CWC27: variants seen among roughly 807,000 people sequenced by gnomAD.
The protein encoded by CWC27 is spliceosome-associated protein CWC27 homolog.
In CWC27, 47 loss-of-function variants were observed where a neutral mutation model predicts 63.6. The observed-to-expected ratio is 0.74, with a 90% CI of 0.58 to 0.94. The LOEUF is 0.94. CWC27 is among the 40% of genes least tolerant of loss of function. The probability of loss-of-function intolerance (pLI) is 0.00; values close to 1 mark genes in which losing one functional copy is unlikely to be tolerated. For synonymous variants in CWC27, 175 were observed against 179.8 expected (o/e 0.97, Z 0.22); for missense variants, 495 against 554.3 (o/e 0.89, Z 1.07).
chr5:64,961,559 T>C (rs1748912747), intron 11 of CWC27, among the ~76,000 whole-genome samples: 2 of 152,224 alleles, frequency 1.3e-5, no homozygotes, highest in African/African-American at 4.8e-5. Context: ...GTAAGTGATA[T>C]TTTTCATGTA....
chr5:64,890,167 A>T (rs75388734), intron 11 of CWC27, among the ~76,000 whole-genome samples: 2,546 of 152,278 alleles, frequency 0.017, 68 homozygotes, highest in African/African-American at 0.059. Context: ...TGGTGCCAGA[A>T]ATTAGAGGAG....
At chr5:64,976,998 T>G (rs1472751486) in intron 12 of CWC27, 137 bp from the exon 13 acceptor site, 1 of 476,454 alleles carries the variant, frequency 2.1e-6, no homozygotes, top group African/African-American at 2.0e-5. Flanking sequence ...TAAAGGTAGT[T>G]TTGTTCTTTT....
chr5:64,813,060 A>G (rs1744924458), intron 10 of CWC27, among the ~76,000 whole-genome samples: 2 of 152,180 alleles, frequency 1.3e-5, no homozygotes, highest in South Asian at 4.1e-4. Flanking sequence ...CTACTATTTA[A>G]AAGGAATAAC....
At chr5:64,773,967 G>A (rs893713772) in intron 1 of CWC27, 7 of 152,084 alleles carry the variant, frequency 4.6e-5, no homozygotes, top group Admixed American at 1.3e-4. Flanking sequence ...TTGTAAATTA[G>A]GAATAGCATG....
chr5:64,899,553 G>A (rs909846358), intron 11 of CWC27, among the ~76,000 whole-genome samples: 2 of 152,124 alleles, frequency 1.3e-5, no homozygotes, highest in Admixed American at 6.5e-5. Flanking sequence ...TAAATAATGG[G>A]CAAAGTTTCA....
intron 1 of CWC27, among the ~76,000 whole-genome samples, chr5:64,771,677 T>C (rs1254123219): frequency 1.0e-5 from 1 of 99,582 alleles, no homozygotes; most frequent in Non-Finnish European, 2.2e-5. Flanking sequence ...AATGGCTTTA[T>C]AAGTATATTT....
At chr5:65,010,209 A>G (rs555904575) in intron 13 of CWC27, among the ~76,000 whole-genome samples, 2 of 152,342 alleles carry the variant, frequency 1.3e-5, no homozygotes, top group African/African-American at 4.8e-5. Context: ...TTTGAAAAAA[A>G]CAGGGACATA....
intron 10 of CWC27, among the ~76,000 whole-genome samples, chr5:64,852,559 C>A (rs914704647): frequency 2.0e-5 from 3 of 151,862 alleles, no homozygotes; most frequent in African/African-American, 7.3e-5. Context: ...GCAACCTCCA[C>A]CTCCCAAGTT....
At chr5:64,898,539 A>T (rs988525692) in intron 11 of CWC27, among the ~76,000 whole-genome samples, 1 of 152,132 alleles carries the variant, frequency 6.6e-6, no homozygotes, top group Non-Finnish European at 1.5e-5. Flanking sequence ...TTTTTCCCAG[A>T]TGTCCTTCTA....
intron 10 of CWC27, among the ~76,000 whole-genome samples, chr5:64,860,447 A>C (rs1198124817): frequency 6.6e-6 from 1 of 152,182 alleles, no homozygotes; most frequent in African/African-American, 2.4e-5. Context: ...TTTGATTTCT[A>C]ATCATACCAC....
chr5:64,987,111 A>T (rs1056315075), intron 13 of CWC27, among the ~76,000 whole-genome samples: 2 of 151,838 alleles, frequency 1.3e-5, no homozygotes, highest in African/African-American at 4.8e-5. Context: ...GTTTTAGGGT[A>T]CAGGTGCACA....
chr5:64,875,124 T>TA (rs1746766107), intron 10 of CWC27, among the ~76,000 whole-genome samples: 1 of 152,138 alleles, frequency 6.6e-6, no homozygotes, highest in South Asian at 2.1e-4. Context: ...TTGTTTAAGA[T>TA]ACACTGTTTA....
At chr5:64,984,281 G>A (rs1389210354) in intron 13 of CWC27, among the ~76,000 whole-genome samples, 1 of 152,204 alleles carries the variant, frequency 6.6e-6, no homozygotes, top group Non-Finnish European at 1.5e-5. Context: ...CTGAGGCACA[G>A]TGAAGTTAAA....
intron 11 of CWC27, among the ~76,000 whole-genome samples, chr5:64,930,503 GA>G (rs1435258207): frequency 6.6e-6 from 1 of 152,064 alleles, no homozygotes; most frequent in Non-Finnish European, 1.5e-5. Flanking sequence ...ATGAATGAAT[GA>G]ATACTTAGAA....
At position 64,787,003 on chromosome 5, in the gene CWC27, G is replaced by A. The variant is rs1743911471; in HGVS notation, c.599+376G>A. Among the ~76,000 whole-genome samples, 7 of 152,134 alleles carry A rather than the reference G, an allele frequency of 4.6e-5. No individual in the cohort carries two copies. The South Asian group carries it at 1.4e-3, about 31-fold the overall frequency. On this transcript the variant is annotated intron_variant, in intron 6 of 13. Transcript: ENST00000381070. The stretch of plus-strand genomic sequence containing the variant: ...GCGAAGCAGTCACCTTCTTCACAAG[G>A]CAGCAGGGGAGAGAGCGAGTGGGAA...
intron 13 of CWC27, among the ~76,000 whole-genome samples, chr5:64,992,554 C>T (rs1367752030): frequency 1.3e-5 from 2 of 150,468 alleles, no homozygotes; most frequent in Non-Finnish European, 3.0e-5. Context: ...TTTCTTGAGA[C>T]AGAGTATCGC....
chr5:64,986,789 A>C lies in CWC27; in HGVS notation c.1256+9551A>C, dbSNP rs77921173. Among the ~76,000 whole-genome samples the C allele has an allele frequency of 8.9e-4, 135 of 152,012 alleles. 1 individual carries two copies. In the East Asian group the frequency reaches 0.026, roughly 29 times the overall value. On this transcript the variant is annotated intron_variant, in intron 13 of 13. Transcript: ENST00000381070. ...ACCACTTAAGCATTCCTACCAGTTT[A>C]TGGCTCCAGTAGCATTTGTTCCAGG...
chr5:64,951,128 G>A (rs1182711625), intron 11 of CWC27, among the ~76,000 whole-genome samples: 1 of 151,784 alleles, frequency 6.6e-6, no homozygotes, highest in Non-Finnish European at 1.5e-5. Context: ...GGGTCATATG[G>A]TAGTTCATAA....
In CWC27 at chr5:64,845,801, G is replaced by A. The variant is rs374832880; in HGVS notation, c.939-39642G>A. On this transcript the variant is annotated intron_variant, in intron 10 of 13. Coordinates refer to ENST00000381070, the MANE Select transcript of CWC27 (RefSeq NM_005869.4). ...TTGCAAAAGAAGAAAGAGAAAAAGG[G>A]TCACAAAGCCTATTTAAGGAAAGAA... Among the ~76,000 whole-genome samples the A allele has an allele frequency of 2.6e-5, 4 of 152,118 alleles. No homozygotes were observed. In the East Asian group the frequency reaches 5.8e-4, roughly 22 times the overall value.
Sources: allele counts gnomAD v4.1 joint callset (sites outside exome capture counted in the v4.1 genomes callset), GRCh38; gene constraint gnomAD v4.1.1; transcripts MANE v1.5; gene names NCBI Gene and HGNC (gene_info 2026-07-23, HGNC 2026-07-21).